The following MRPL48 variants were observed in gnomAD, a reference collection of about 807,000 sequenced individuals.
MRPL48 encodes mitochondrial ribosomal protein L48.
MRPL48 carries 16 observed loss-of-function variants against 32.9 expected under a neutral mutation model. The observed-to-expected ratio is 0.49, with a 90% CI of 0.33 to 0.74. MRPL48 has a LOEUF of 0.74. Among genes scored for constraint, MRPL48 ranks in the 30% least tolerant of loss-of-function variants. MRPL48 has a pLI of 0.02. For synonymous variants in MRPL48, 94 were observed against 89.2 expected, an observed-to-expected ratio of 1.05 and a Z score of -0.31; for missense variants, 206 against 245.3, an observed-to-expected ratio of 0.84 and a Z score of 1.07.
At chr11:73,826,085 C>T (rs1166818107) in intron 4 of MRPL48, among the ~76,000 whole-genome samples, 3 of 151,662 alleles carry the variant, frequency 2.0e-5, no homozygotes, top group South Asian at 2.1e-4. Context: ...TGCATGATCA[C>T]GGCTCACTGC....
chr11:73,804,188 G>T (rs1479695144), intron 1 of MRPL48, among the ~76,000 whole-genome samples: 1 of 152,116 alleles, frequency 6.6e-6, no homozygotes, highest in African/African-American at 2.4e-5. Context: ...AAAGTGCTGG[G>T]ATTATAGGCA....
rs541106920 is a variant in MRPL48, at chr11:73,808,871, T to C, written c.112+521T>C. ...TCGGGAGGCGGAGGTTGCAGTGAGC[T>C]GAGATTACGCCATTGCACTCCAGCC... On this transcript the variant is annotated intron_variant, in intron 3 of 7. Coordinates refer to ENST00000310614, the MANE Select transcript of MRPL48 (RefSeq NM_016055.6). Among the ~76,000 whole-genome samples the C allele has an allele frequency of 4.6e-5, 7 of 150,822 alleles. 1 individual carries two copies. The South Asian group carries it at 1.3e-3, about 27-fold the overall frequency.
In MRPL48 at chr11:73,840,098, T is replaced by TA. The variant is rs35939600; in HGVS notation, c.202-4694dup. 5.8e-3 allele frequency among the ~76,000 whole-genome samples: 791 copies of TA among 136,850 alleles called. 3 individuals carry two copies. Among genetic ancestry groups the TA allele is most frequent in the Middle Eastern group, 7.4e-3 (2 of 270 alleles). The allele number at this position is 136,850 out of a possible 152,430, so 89.8% of individuals were successfully genotyped here. A position where few individuals can be genotyped will look rare whatever the true frequency, so the allele number is the denominator to read the frequency against. On this transcript the variant is annotated intron_variant, in intron 4 of 7. Coordinates refer to ENST00000310614, the MANE Select transcript of MRPL48 (RefSeq NM_016055.6). ...GGGCAATATAGTGAGACCCTGTCCT[T>TA]AAAAAAAAAAAAAAACTCAGTTTTG... is the stretch of plus-strand genomic sequence containing the variant.
chr11:73,852,393 C>CAAA (rs10554131), intron 5 of MRPL48, among the ~76,000 whole-genome samples: 29 of 83,332 alleles, frequency 3.5e-4, no homozygotes, highest in Non-Finnish European at 4.5e-4. Context: ...AACTCTATAG[C>CAAA]AAAAAAAAAA....
chr11:73,791,570 C>A (rs1947154717), intron 1 of MRPL48, among the ~76,000 whole-genome samples: 1 of 152,106 alleles, frequency 6.6e-6, no homozygotes, highest in Non-Finnish European at 1.5e-5. Context: ...GCACATGCCA[C>A]CGTGCCTGGC....
intron 4 of MRPL48, among the ~76,000 whole-genome samples, chr11:73,840,921 A>G (rs1378865799): frequency 2.0e-5 from 3 of 152,328 alleles, no homozygotes; most frequent in South Asian, 2.1e-4. Context: ...AAGAGCCTCT[A>G]CAAATCAATA....
At chr11:73,852,082 C>T (rs565761744) in intron 5 of MRPL48, among the ~76,000 whole-genome samples, 2 of 152,112 alleles carry the variant, frequency 1.3e-5, no homozygotes, top group South Asian at 4.2e-4. Flanking sequence ...AGTACCATTC[C>T]GAGAAGATGT....
At position 73,864,622 on chromosome 11, in the gene MRPL48, A is replaced by T. The variant is rs1350031737; in HGVS notation, c.*252A>T. On this transcript the variant is annotated 3_prime_UTR_variant, in exon 8 of 8. Transcript: ENST00000310614. Reference sequence around the variant, plus strand: ...AGATGTGTATATGTATGTGTGTGTGAGAGAGAGAAATTGGCCCATCCTGTG... The same window carrying T: ...AGATGTGTATATGTATGTGTGTGTGTGAGAGAGAAATTGGCCCATCCTGTG... The T allele has an allele frequency of 3.7e-5, 18 of 491,820 alleles. No homozygotes were observed. Among genetic ancestry groups the T allele is most frequent in the Middle Eastern group, 5.5e-4 (1 of 1,806 alleles). The allele number at this position is 491,820 out of a possible 1,614,324, so 30.5% of individuals were successfully genotyped here.
At chr11:73,810,494 C>T (rs914130578) in intron 3 of MRPL48, among the ~76,000 whole-genome samples, 1 of 151,786 alleles carries the variant, frequency 6.6e-6, no homozygotes, top group Non-Finnish European at 1.5e-5. Flanking sequence ...GCACTCCAGC[C>T]TGGGCAACAA....
At chr11:73,835,542 A>G (rs1450124648) in intron 4 of MRPL48, among the ~76,000 whole-genome samples, 1 of 152,210 alleles carries the variant, frequency 6.6e-6, no homozygotes, top group East Asian at 1.9e-4. Flanking sequence ...GACCATGCTT[A>G]TCTCCAATAT....
intron 3 of MRPL48, among the ~76,000 whole-genome samples, chr11:73,814,435 G>A (rs1947622410): frequency 6.6e-6 from 1 of 151,314 alleles, no homozygotes; most frequent in African/African-American, 2.4e-5. Flanking sequence ...TGGCTCACGC[G>A]TGTAATCCCA....
At chr11:73,857,457 C>G (rs1213840215) in intron 5 of MRPL48, among the ~76,000 whole-genome samples, 2 of 146,342 alleles carry the variant, frequency 1.4e-5, no homozygotes, top group Non-Finnish European at 3.0e-5. Context: ...TTTTTTTTTT[C>G]TAAATAGAGA....
intron 5 of MRPL48, among the ~76,000 whole-genome samples, chr11:73,849,739 G>A (rs1252987096): frequency 2.6e-5 from 4 of 152,144 alleles, no homozygotes; most frequent in South Asian, 2.1e-4. Flanking sequence ...GAGAACACAC[G>A]TCTTCATTTC....
intron 7 of MRPL48, 79 bp downstream of exon 7, chr11:73,863,340 C>A: frequency 8.2e-7 from 1 of 1,216,340 alleles, no homozygotes; most frequent in Non-Finnish European, 1.2e-6. Flanking sequence ...GACTTCCTGG[C>A]TTTAGAAAGA....
chr11:73,812,910 T>A (rs1947594912), intron 3 of MRPL48, among the ~76,000 whole-genome samples: 3 of 151,240 alleles, frequency 2.0e-5, no homozygotes, highest in Admixed American at 6.6e-5. Context: ...CCACCATGCC[T>A]GGCTAATTTT....
At chr11:73,840,357 A>T (rs1387273749) in intron 4 of MRPL48, among the ~76,000 whole-genome samples, 4 of 152,168 alleles carry the variant, frequency 2.6e-5, no homozygotes, top group South Asian at 2.1e-4. Flanking sequence ...AGCTGGGCAT[A>T]ATGGCACATG....
intron 4 of MRPL48, among the ~76,000 whole-genome samples, chr11:73,840,054 T>C (rs1205044688): frequency 6.6e-6 from 1 of 150,840 alleles, no homozygotes; most frequent in African/African-American, 2.4e-5. Context: ...GCTACCGTTG[T>C]GTCACTGCAC....
chr11:73,864,316 G>A lies in MRPL48; in HGVS notation c.585G>A (p.Lys195=). The change falls in exon 8 of 8, where the codon AAG becomes AAA. Residue 195 remains lysine (K), a synonymous_variant. Coordinates refer to ENST00000310614, the MANE Select transcript of MRPL48 (RefSeq NM_016055.6). The part of the protein sequence containing the change: ...SVKEHTEEDF[K]GRFKARPELE... ...CTTAGCACACTGAAGAAGACTTCAA[G>A]GGACGATTCAAAGCTCGACCAGAAC... The A allele has an allele frequency of 6.2e-7, 1 of 1,613,790 alleles. No individual in the cohort carries two copies. The highest frequency in any genetic ancestry group is 1.3e-5 in the African/African-American group (1 of 75,016).
chr11:73,801,244 A>C (rs944172523), intron 1 of MRPL48, among the ~76,000 whole-genome samples: 5 of 152,166 alleles, frequency 3.3e-5, no homozygotes, highest in African/African-American at 1.2e-4. Context: ...TCCCTCTTCT[A>C]TATGAAGTGA....
Sources: gnomAD v4.1 joint callset for allele counts (sites outside exome capture counted in the v4.1 genomes callset) on GRCh38, gnomAD v4.1.1 for gene constraint, MANE v1.5 for transcripts, NCBI Gene and HGNC (gene_info 2026-07-23, HGNC 2026-07-21) for gene names.